Variants in RANBP2 observed in about 807,000 individuals in gnomAD.
RANBP2 encodes E3 SUMO-protein ligase RanBP2.
Under a neutral mutation model 303.6 loss-of-function variants are expected in RANBP2, and 57 were observed. The ratio of observed to expected loss-of-function variants is 0.19; its 90% confidence interval spans 0.15 to 0.23. The LOEUF is 0.23. RANBP2 is among the 10% of genes least tolerant of loss of function. The pLI, the probability that RANBP2 is intolerant of heterozygous loss-of-function variation, is 1.00. For missense variants in RANBP2, 3,138 were observed against 3,780.8 expected, an observed-to-expected ratio of 0.83 and a Z score of 4.46; for synonymous variants, 1,167 against 1,301.5, an observed-to-expected ratio of 0.90 and a Z score of 2.23.
At chr2:109,050,417 C>T in the RANBP2 span, among the ~76,000 whole-genome samples, 17 of 130,504 alleles carry the variant, frequency 1.3e-4, no homozygotes, top group South Asian at 2.7e-3. Flanking sequence ...CCACACCAGG[C>T]GAATTTTTTA....
At chr2:109,585,235 T>A in the RANBP2 span, 1 of 1,613,064 alleles carries the variant, frequency 6.2e-7, no homozygotes, top group Non-Finnish European at 8.5e-7. Flanking sequence ...AGTTTAACAT[T>A]TGGGCAAAAA....
chr2:109,491,042 T>G, the RANBP2 span: 4 of 1,107,596 alleles, frequency 3.6e-6, no homozygotes, highest in Non-Finnish European at 4.8e-6. Context: ...GGGATTAGGT[T>G]TACCAGATGT....
At chr2:108,913,662 A>T in the RANBP2 span, among the ~76,000 whole-genome samples, 1 of 152,164 alleles carries the variant, frequency 6.6e-6, no homozygotes, top group African/African-American at 2.4e-5. Flanking sequence ...ATAAAAGTGT[A>T]TGCGATAGCT....
chr2:109,109,260 T>C, the RANBP2 span, among the ~76,000 whole-genome samples: 18 of 152,372 alleles, frequency 1.2e-4, no homozygotes, highest in East Asian at 2.9e-3. Flanking sequence ...GTTCATTGTT[T>C]TGTCAATGAA....
chr2:109,154,942 T>C, the RANBP2 span, among the ~76,000 whole-genome samples: 14 of 152,206 alleles, frequency 9.2e-5, no homozygotes, highest in Non-Finnish European at 2.1e-4. Flanking sequence ...TCACGACTTG[T>C]CAAAAGAGGC....
intron 24 of RANBP2, among the ~76,000 whole-genome samples, chr2:108,776,446 T>C (rs1158021056): frequency 1.3e-5 from 2 of 152,200 alleles, no homozygotes; most frequent in Non-Finnish European, 2.9e-5. Flanking sequence ...CTTTTTCATT[T>C]CGATTTTGGG....
the RANBP2 span, among the ~76,000 whole-genome samples, chr2:108,877,854 C>T: frequency 6.6e-6 from 1 of 152,256 alleles, no homozygotes; most frequent in East Asian, 1.9e-4. Context: ...TGGTAAGTTA[C>T]AAGGATAAAA....
chr2:109,185,917 C>T, the RANBP2 span, among the ~76,000 whole-genome samples: 19 of 152,338 alleles, frequency 1.2e-4, no homozygotes, highest in South Asian at 3.5e-3. Flanking sequence ...CCCCCAGCTC[C>T]TGGGACGGCT....
At chr2:108,806,927 G>A in the RANBP2 span, among the ~76,000 whole-genome samples, 19 of 152,198 alleles carry the variant, frequency 1.2e-4, no homozygotes, top group Non-Finnish European at 2.6e-4. Context: ...GAAAGGAGCA[G>A]CATTGTGCCT....
At chr2:109,096,290 A>G in the RANBP2 span, among the ~76,000 whole-genome samples, 1 of 152,238 alleles carries the variant, frequency 6.6e-6, no homozygotes, top group Non-Finnish European at 1.5e-5. Flanking sequence ...TTATATTCAT[A>G]TAAATATGTT....
At chr2:109,251,419 A>T in the RANBP2 span, 1 of 704,856 alleles carries the variant, frequency 1.4e-6, no homozygotes, top group Non-Finnish European at 2.7e-6. Context: ...TGGAGTAGAC[A>T]CCATGAGCAA....
rs994134995 is a variant in RANBP2, at chr2:108,783,005, A to G, written c.9369+143A>G. On this transcript the variant is annotated intron_variant, in intron 28 of 28. Transcript: ENST00000283195. Reference sequence around the variant, plus strand: ...TTTTCCACACATGGAATCACATGGCATCACTACCCATTCCCTGCTCCTGCC... The same window carrying G: ...TTTTCCACACATGGAATCACATGGCGTCACTACCCATTCCCTGCTCCTGCC... 8 of 745,554 alleles carry G rather than the reference A, an allele frequency of 1.1e-5. No individual in the cohort carries two copies. In the African/African-American group the frequency reaches 1.4e-4, roughly 13 times the overall value. The allele number at this position is 745,554 out of a possible 1,614,324, so 46.2% of individuals were successfully genotyped here.
the RANBP2 span, among the ~76,000 whole-genome samples, chr2:108,851,963 G>A: frequency 2.0e-5 from 3 of 152,238 alleles, no homozygotes; most frequent in South Asian, 6.2e-4. Flanking sequence ...ATTTGACAGA[G>A]CCTAATTTAG....
chr2:108,962,139 C>T, the RANBP2 span, among the ~76,000 whole-genome samples: 1 of 152,146 alleles, frequency 6.6e-6, no homozygotes, highest in Non-Finnish European at 1.5e-5. Flanking sequence ...CATGTGGCGC[C>T]CTGTCTAGGC....
the RANBP2 span, among the ~76,000 whole-genome samples, chr2:109,031,717 G>A: frequency 6.6e-6 from 1 of 152,200 alleles, no homozygotes; most frequent in Non-Finnish European, 1.5e-5. Context: ...GTGGCAACCT[G>A]GACGCGCTGC....
the RANBP2 span, among the ~76,000 whole-genome samples, chr2:108,881,345 G>T: frequency 6.6e-6 from 1 of 152,232 alleles, no homozygotes; most frequent in African/African-American, 2.4e-5. Context: ...TAGAATTGAA[G>T]AGAGTTAGGG....
At chr2:109,552,927 T>A in the RANBP2 span, 7 of 785,278 alleles carry the variant, frequency 8.9e-6, no homozygotes, top group South Asian at 1.3e-4. Context: ...TTTCAGGCTA[T>A]GATTCTAAGT....
chr2:109,473,871 C>T, the RANBP2 span, among the ~76,000 whole-genome samples: 1 of 152,200 alleles, frequency 6.6e-6, no homozygotes, highest in African/African-American at 2.4e-5. Context: ...CCTTGTGCCC[C>T]TGAACCGCTC....
chr2:108,859,728 T>G, the RANBP2 span, among the ~76,000 whole-genome samples: 1 of 152,208 alleles, frequency 6.6e-6, no homozygotes, highest in Non-Finnish European at 1.5e-5. Flanking sequence ...TGAAGTCAGA[T>G]AACATGATGC....
Sources: allele counts gnomAD v4.1 joint callset (sites outside exome capture counted in the v4.1 genomes callset), GRCh38; gene constraint gnomAD v4.1.1; transcripts MANE v1.5; gene names NCBI Gene and HGNC (gene_info 2026-07-23, HGNC 2026-07-21).